RSPH14: variants seen among roughly 807,000 people sequenced by gnomAD.
RSPH14 encodes the protein radial spoke head 14 homolog.
RSPH14 carries 20 observed loss-of-function variants against 26.7 expected under a neutral mutation model. The observed-to-expected ratio is 0.75, with a 90% CI of 0.53 to 1.09. The LOEUF is 1.09. Among genes scored for constraint, RSPH14 ranks in the 50% least tolerant of loss-of-function variants. The pLI is 0.00. For missense variants in RSPH14, 449 were observed against 457.2 expected, an observed-to-expected ratio of 0.98 and a Z score of 0.16; for synonymous variants, 177 against 189.3, an observed-to-expected ratio of 0.93 and a Z score of 0.53.
intron 4 of RSPH14, among the ~76,000 whole-genome samples, chr22:23,133,287 G>T (rs2146437211): frequency 6.6e-6 from 1 of 152,280 alleles, no homozygotes. Flanking sequence ...GCAAAAATCA[G>T]TAATACATCC....
intron 6 of RSPH14, 152 bp downstream of exon 6, chr22:23,061,657 A>G: frequency 1.0e-6 from 1 of 981,306 alleles, no homozygotes; most frequent in Non-Finnish European, 1.5e-6. Context: ...CCAACCTTGA[A>G]AGGACATCAG....
intron 4 of RSPH14, chr22:23,096,084 G>A (rs745469780): frequency 1.2e-6 from 2 of 1,609,270 alleles, no homozygotes; most frequent in Non-Finnish European, 1.7e-6. Context: ...GTCATGCGAC[G>A]GCTCTGGGCC....
chr22:23,160,941 C>T, the RSPH14 span: 5 of 1,613,838 alleles, frequency 3.1e-6, no homozygotes, highest in Non-Finnish European at 4.2e-6. Flanking sequence ...GTCGGTGCTG[C>T]AGGACCTGGA....
At chr22:23,084,255 T>C (rs1466586265) in intron 4 of RSPH14, among the ~76,000 whole-genome samples, 7 of 152,180 alleles carry the variant, frequency 4.6e-5, no homozygotes, top group African/African-American at 9.7e-5. Flanking sequence ...GCAATAAACA[T>C]TGAGTAGAAG....
At chr22:23,142,504 AT>A (rs1236900094), upstream of RSPH14, among the ~76,000 whole-genome samples, 1 of 152,118 alleles carries the variant, frequency 6.6e-6, no homozygotes, top group Non-Finnish European at 1.5e-5. Context: ...CACCCAGCTA[AT>A]TTTTGTATTT....
chr22:23,152,497 C>T, the RSPH14 span: 1 of 1,614,214 alleles, frequency 6.2e-7, no homozygotes, highest in Non-Finnish European at 8.5e-7. Context: ...TTGGCGATCT[C>T]TACGTGGGGA....
chr22:23,108,093 C>T (rs1042550829), intron 4 of RSPH14, among the ~76,000 whole-genome samples: 1 of 152,350 alleles, frequency 6.6e-6, no homozygotes, highest in Admixed American at 6.5e-5. Context: ...GGGCCAGGAG[C>T]AGGTGCATCT....
upstream of RSPH14, among the ~76,000 whole-genome samples, chr22:23,144,166 C>T (rs1032903154): frequency 6.6e-6 from 1 of 151,446 alleles, no homozygotes; most frequent in Admixed American, 6.6e-5. Context: ...CTGCCAAATC[C>T]CCAAATCCAA....
chr22:23,174,775 C>A, the RSPH14 span, among the ~76,000 whole-genome samples: 1 of 151,360 alleles, frequency 6.6e-6, no homozygotes, highest in African/African-American at 2.4e-5. Context: ...TCGCAACCAG[C>A]CTGACCAACA....
At chr22:23,139,024 G>A in intron 2 of RSPH14, 82 bp from the exon 3 acceptor site, 2 of 1,103,880 alleles carry the variant, frequency 1.8e-6, no homozygotes, top group Non-Finnish European at 2.6e-6. Flanking sequence ...AAGTCAATAA[G>A]TGGGCCAGTT....
At chr22:23,167,044 C>T in the RSPH14 span, among the ~76,000 whole-genome samples, 2 of 152,068 alleles carry the variant, frequency 1.3e-5, no homozygotes, top group Non-Finnish European at 2.9e-5. Flanking sequence ...GACTGAGGTG[C>T]AGACAGCTGA....
At chr22:23,107,658 A>G (rs2069521390) in intron 4 of RSPH14, among the ~76,000 whole-genome samples, 1 of 152,112 alleles carries the variant, frequency 6.6e-6, no homozygotes, top group South Asian at 2.1e-4. Flanking sequence ...AGCAAGAAGC[A>G]CCGGAACCCA....
rs2070295816 is a variant in RSPH14, at chr22:23,130,095, GAAAGA to G, written c.421+3926_421+3930del. Among the ~76,000 whole-genome samples, 5 of 45,940 alleles carry G rather than the reference GAAAGA, an allele frequency of 1.1e-4. 2 individuals carry two copies. The highest frequency in any genetic ancestry group is 0.022 in the Middle Eastern group (2 of 90). The allele number at this position is 45,940 out of a possible 152,430, so 30.1% of individuals were successfully genotyped here. A position where few individuals can be genotyped will look rare whatever the true frequency, so the allele number is the denominator to read the frequency against. On this transcript the variant is annotated intron_variant, in intron 4 of 6. Coordinates refer to ENST00000216036, the MANE Select transcript of RSPH14 (RefSeq NM_014433.3). ...AGAAAGAAAGAAAGGAAGAAAGAAA[GAAAGA>G]AAGAAAGAAAGAAAGAAAGAAAGAA...
intron 4 of RSPH14, among the ~76,000 whole-genome samples, chr22:23,122,864 T>A (rs2070071426): frequency 6.6e-6 from 1 of 152,022 alleles, no homozygotes; most frequent in African/African-American, 2.4e-5. Context: ...CAAGAGAACA[T>A]CTTCCAAGCA....
intron 4 of RSPH14, among the ~76,000 whole-genome samples, chr22:23,113,620 C>T (rs913016177): frequency 3.9e-5 from 6 of 152,254 alleles, no homozygotes; most frequent in Admixed American, 6.5e-5. Flanking sequence ...TTCCCTGTTC[C>T]ACAGCTGCAG....
intron 4 of RSPH14, among the ~76,000 whole-genome samples, chr22:23,100,657 C>G (rs879798450): frequency 6.6e-6 from 1 of 152,220 alleles, no homozygotes; most frequent in Admixed American, 6.5e-5. Flanking sequence ...AGGTCCACAC[C>G]CACCCGGCAC....
intron 4 of RSPH14, among the ~76,000 whole-genome samples, chr22:23,114,887 G>T (rs1322488424): frequency 6.6e-6 from 1 of 152,204 alleles, no homozygotes; most frequent in Non-Finnish European, 1.5e-5. Flanking sequence ...CACCTGGAGA[G>T]CCTCTGCCCA....
At chr22:23,110,903 C>G (rs1401679226) in intron 4 of RSPH14, among the ~76,000 whole-genome samples, 2 of 152,212 alleles carry the variant, frequency 1.3e-5, no homozygotes, top group Non-Finnish European at 2.9e-5. Flanking sequence ...CCCTGCCCAC[C>G]ATCTTTCTTT....
intron 4 of RSPH14, among the ~76,000 whole-genome samples, chr22:23,078,155 C>G (rs187877788): frequency 3.3e-5 from 5 of 152,218 alleles, no homozygotes; most frequent in Admixed American, 3.3e-4. Flanking sequence ...AGCATGGTCA[C>G]CCCCTCACCC....
Sources: gnomAD v4.1 joint callset for allele counts (sites outside exome capture counted in the v4.1 genomes callset) on GRCh38, gnomAD v4.1.1 for gene constraint, MANE v1.5 for transcripts, NCBI Gene and HGNC (gene_info 2026-07-23, HGNC 2026-07-21) for gene names.